The following DOK6 variants were observed in gnomAD, a reference collection of about 807,000 sequenced individuals.
The protein encoded by DOK6 is docking protein 6, also known as downstream of tyrosine kinase 6.
DOK6 carries 22 observed loss-of-function variants against 44.0 expected under a neutral mutation model. The ratio of observed to expected loss-of-function variants is 0.50; its 90% CI spans 0.36 to 0.71. DOK6 has a LOEUF of 0.71. Ranked by LOEUF, DOK6 falls within the 30% of genes least tolerant of loss-of-function variation. The pLI, the probability that DOK6 is intolerant of heterozygous loss-of-function variation, is 0.00. For missense variants in DOK6, 340 were observed against 416.4 expected (o/e 0.82, Z 1.60); for synonymous variants, 166 against 145.5 (o/e 1.14, Z -1.01).
intron 3 of DOK6, among the ~76,000 whole-genome samples, chr18:69,666,518 AT>A (rs1007920366): frequency 3.7e-4 from 55 of 150,054 alleles, no homozygotes; most frequent in East Asian, 5.9e-4. Context: ...AACCCAACCA[AT>A]TTTTTTTTTC....
rs1368689765 is a variant in DOK6 at position 69,846,427 on chromosome 18, AAAATAAAT to A, written c.*5048_*5055del. 6 of 152,218 alleles carry A rather than the reference AAAATAAAT, an allele frequency of 3.9e-5. No individual in the cohort carries two copies. The highest frequency in any genetic ancestry group is 2.6e-4 in the Admixed American group (4 of 15,284). The allele number at this position is 152,218 out of a possible 1,614,324, so 9.4% of individuals were successfully genotyped here. On this transcript the variant is annotated 3_prime_UTR_variant, in exon 8 of 8. Transcript: ENST00000382713. ...GAGCTGAGAAATGCCATATGGCCTC[AAAATAAAT>A]AAACCCTTGTACATTTAAGTGTTTT...
intron 1 of DOK6, among the ~76,000 whole-genome samples, chr18:69,520,165 A>G (rs986678087): frequency 6.6e-6 from 1 of 151,860 alleles, no homozygotes; most frequent in Admixed American, 6.6e-5. Flanking sequence ...TGCACTTAAT[A>G]GTTACTTGCA....
chr18:69,481,614 G>T lies in DOK6; in HGVS notation c.66+80304G>T, dbSNP rs375362773. Among the ~76,000 whole-genome samples the T allele has an allele frequency of 9.9e-5, 15 of 152,218 alleles. No individual in the cohort carries two copies. The East Asian group carries it at 2.9e-3, about 29-fold the overall frequency. On this transcript the variant is annotated intron_variant, in intron 1 of 7. Coordinates refer to ENST00000382713, the MANE Select transcript of DOK6 (RefSeq NM_152721.6). ...ATGTGTGCCACATTTTCTTAATCCA[G>T]TCTATCATTGTTGGACATTTGGGTT...
At chr18:69,491,082 T>C (rs1354372339) in intron 1 of DOK6, among the ~76,000 whole-genome samples, 1 of 152,212 alleles carries the variant, frequency 6.6e-6, no homozygotes, top group Non-Finnish European at 1.5e-5. Context: ...TTATCTGCAA[T>C]GGCATGGTAT....
chr18:69,767,603 C>G (rs1297602931), intron 7 of DOK6, among the ~76,000 whole-genome samples: 3 of 152,098 alleles, frequency 2.0e-5, no homozygotes, highest in Non-Finnish European at 4.4e-5. Flanking sequence ...ACCCTCCCAC[C>G]CCAAATCAGT....
intron 3 of DOK6, among the ~76,000 whole-genome samples, chr18:69,676,440 T>G (rs12150740): frequency 1.3e-5 from 2 of 152,192 alleles, no homozygotes; most frequent in East Asian, 3.8e-4. Context: ...AGCCCAGTGT[T>G]GGTATTTAGA....
rs139938232 is a variant in DOK6 at position 69,826,543 on chromosome 18, A to G, written c.857-14701A>G. Reference sequence around the variant, plus strand: ...TAAGGGTTGCTAAACCCACCTAGAAAAGTGTTCTCCTAAAACATGAGGAAT... The same window carrying G: ...TAAGGGTTGCTAAACCCACCTAGAAGAGTGTTCTCCTAAAACATGAGGAAT... On this transcript the variant is annotated intron_variant, in intron 7 of 7. Transcript: ENST00000382713. Among the ~76,000 whole-genome samples, 356 of 152,286 alleles carry G rather than the reference A, an allele frequency of 2.3e-3. 3 individuals carry two copies. The highest frequency in any genetic ancestry group is 8.1e-3 in the African/African-American group (336 of 41,570).
intron 5 of DOK6, among the ~76,000 whole-genome samples, chr18:69,709,790 T>C (rs898282129): frequency 2.0e-5 from 3 of 152,198 alleles, no homozygotes; most frequent in African/African-American, 4.8e-5. Context: ...TTCAAAACTA[T>C]TTTTTGGTCT....
intron 7 of DOK6, among the ~76,000 whole-genome samples, chr18:69,767,559 C>A (rs752599562): frequency 6.6e-6 from 1 of 152,084 alleles, no homozygotes; most frequent in Admixed American, 6.6e-5. Context: ...ATGCCCCCAC[C>A]CAAACATACT....
rs188411998 is a variant in DOK6 at position 69,746,116 on chromosome 18, A to C, written c.738+7013A>C. ...CAGAAATAGAGATAATAGAGAGATT[A>C]AGAATATACATGTTGTTAAATGCAT... On this transcript the variant is annotated intron_variant, in intron 6 of 7. Coordinates refer to ENST00000382713, the MANE Select transcript of DOK6 (RefSeq NM_152721.6). Among the ~76,000 whole-genome samples, 344 of 152,224 alleles carry C rather than the reference A, an allele frequency of 2.3e-3. 1 individual carries two copies. The highest frequency in any genetic ancestry group is 3.8e-3 in the Non-Finnish European group (261 of 68,028).
At chr18:69,488,748 G>C (rs1380633978) in intron 1 of DOK6, among the ~76,000 whole-genome samples, 1 of 152,096 alleles carries the variant, frequency 6.6e-6, no homozygotes, top group Non-Finnish European at 1.5e-5. Context: ...CTCCTACCGG[G>C]TCCCTCCCAC....
At chr18:69,532,322 T>C (rs1239548395) in intron 1 of DOK6, among the ~76,000 whole-genome samples, 1 of 152,174 alleles carries the variant, frequency 6.6e-6, no homozygotes, top group Non-Finnish European at 1.5e-5. Context: ...GCTCTCAGTG[T>C]CATTTTTAGT....
rs1788136844 is a variant in DOK6, at chr18:69,804,896, G to A, written c.857-36348G>A. Among the ~76,000 whole-genome samples, 6 of 152,120 alleles carry A rather than the reference G, an allele frequency of 3.9e-5. No homozygotes were observed. In the South Asian group the frequency reaches 1.2e-3, roughly 31 times the overall value. On this transcript the variant is annotated intron_variant, in intron 7 of 7. Transcript: ENST00000382713. The stretch of plus-strand genomic sequence containing the variant: ...CAAATTTTCTCTGACTTTGACTTTG[G>A]TGACGAGTATCTACCAAAGGGAGTA...
chr18:69,492,295 T>C lies in DOK6; in HGVS notation c.67-72192T>C, dbSNP rs185926456. The stretch of plus-strand genomic sequence containing the variant: ...TGTAAAATAATGTGAGATGTCACCT[T>C]CTTAGACAGCAAAGAACAATATTGC... On this transcript the variant is annotated intron_variant, in intron 1 of 7. Transcript: ENST00000382713. 2.9e-4 allele frequency among the ~76,000 whole-genome samples: 44 copies of C among 152,302 alleles called. 1 individual carries two copies. The East Asian group carries it at 6.9e-3, about 24-fold the overall frequency.
chr18:69,422,651 C>T (rs2122409775), intron 1 of DOK6, among the ~76,000 whole-genome samples: 1 of 149,676 alleles, frequency 6.7e-6, no homozygotes, highest in Non-Finnish European at 1.5e-5. Flanking sequence ...TGGTCTCTTT[C>T]CAGTTGATAT....
chr18:69,592,337 T>C (rs1983641968), intron 2 of DOK6, among the ~76,000 whole-genome samples: 1 of 151,900 alleles, frequency 6.6e-6, no homozygotes, highest in Non-Finnish European at 1.5e-5. Flanking sequence ...TCCTCTCTGC[T>C]CCCTTAATTC....
chr18:69,417,315 A>T (rs1364983568), intron 1 of DOK6, among the ~76,000 whole-genome samples: 2 of 152,046 alleles, frequency 1.3e-5, no homozygotes, highest in African/African-American at 4.8e-5. Flanking sequence ...GAGACACGTA[A>T]CGTTTGTCTT....
intron 3 of DOK6, among the ~76,000 whole-genome samples, chr18:69,664,916 C>A (rs149731894): frequency 1.1e-4 from 16 of 152,234 alleles, no homozygotes; most frequent in African/African-American, 3.9e-4. Flanking sequence ...CGATGGCTCA[C>A]GCCTGTAATC....
At chr18:69,614,406 T>TTTAC (rs1984233443) in intron 3 of DOK6, among the ~76,000 whole-genome samples, 1 of 152,188 alleles carries the variant, frequency 6.6e-6, no homozygotes, top group Non-Finnish European at 1.5e-5. Flanking sequence ...TACTGCGGCA[T>TTTAC]AGTTAGCAAG....
Sources: allele counts gnomAD v4.1 joint callset (sites outside exome capture counted in the v4.1 genomes callset), GRCh38; gene constraint gnomAD v4.1.1; transcripts MANE v1.5; gene names NCBI Gene and HGNC (gene_info 2026-07-23, HGNC 2026-07-21).